PTPN4: variants seen among roughly 807,000 people sequenced by gnomAD.
PTPN4 encodes protein tyrosine phosphatase non-receptor type 4.
A neutral mutation model predicts 135.5 loss-of-function variants in PTPN4; 49 were observed. The ratio of observed to expected loss-of-function variants is 0.36; its 90% CI spans 0.29 to 0.46. The LOEUF is 0.46. PTPN4 is among the 20% of genes least tolerant of loss of function. PTPN4 has a pLI of 1.00. For missense variants in PTPN4, 860 were observed against 1,101.0 expected (o/e 0.78, Z 3.10); for synonymous variants, 333 against 369.9 (o/e 0.90, Z 1.14).
At chr2:119,973,147 T>C (rs189612326) in intron 26 of PTPN4, among the ~76,000 whole-genome samples, 1 of 152,168 alleles carries the variant, frequency 6.6e-6, no homozygotes, top group African/African-American at 2.4e-5. Flanking sequence ...TCTATATCCA[T>C]TAAAAAAAAC....
chr2:119,888,106 G>A (rs956655634), intron 9 of PTPN4, among the ~76,000 whole-genome samples: 6 of 151,910 alleles, frequency 3.9e-5, no homozygotes, highest in Non-Finnish European at 8.8e-5. Context: ...TTATTCCTAG[G>A]TATTTTTTGT....
chr2:119,969,956 A>G (rs1490901219), intron 26 of PTPN4, among the ~76,000 whole-genome samples: 1 of 152,264 alleles, frequency 6.6e-6, no homozygotes, highest in African/African-American at 2.4e-5. Context: ...TTAAAATACA[A>G]TTCACATACC....
chr2:119,891,539 G>A (rs1262508134), intron 9 of PTPN4, among the ~76,000 whole-genome samples: 1 of 152,062 alleles, frequency 6.6e-6, no homozygotes, highest in Non-Finnish European at 1.5e-5. Flanking sequence ...TGGACAGGCT[G>A]GTCTCGAACT....
chr2:119,793,940 C>G (rs186049366), intron 1 of PTPN4, among the ~76,000 whole-genome samples: 1 of 130,460 alleles, frequency 7.7e-6, no homozygotes, highest in South Asian at 2.7e-4. Context: ...ACAGCAGCCT[C>G]GAACTCCTGG....
At chr2:119,807,851 G>A (rs529200489) in intron 1 of PTPN4, among the ~76,000 whole-genome samples, 1 of 152,234 alleles carries the variant, frequency 6.6e-6, no homozygotes, top group Admixed American at 6.5e-5. Flanking sequence ...ACTGAATCTA[G>A]GAGCATATCA....
rs969268419 is a variant in PTPN4 at position 119,811,667 on chromosome 2, A to G, written c.138+1676A>G. Among the ~76,000 whole-genome samples the G allele has an allele frequency of 6.6e-5, 10 of 152,200 alleles. No homozygotes were observed. The East Asian group carries it at 1.4e-3, about 21-fold the overall frequency. The stretch of plus-strand genomic sequence containing the variant: ...TTTTGGAAAAGGCATAAATTTAATA[A>G]CTTTTGTCTTAGCTTAAATTTAGCT... On this transcript the variant is annotated intron_variant, in intron 2 of 26. Coordinates refer to ENST00000263708, the MANE Select transcript of PTPN4 (RefSeq NM_002830.4).
At chr2:119,849,997 G>T (rs533783760) in intron 2 of PTPN4, among the ~76,000 whole-genome samples, 1 of 152,214 alleles carries the variant, frequency 6.6e-6, no homozygotes, top group Non-Finnish European at 1.5e-5. Flanking sequence ...TTTGATGTTT[G>T]TTCTGACTCT....
chr2:119,881,384 C>G (rs1160043173), intron 5 of PTPN4, among the ~76,000 whole-genome samples: 1 of 152,148 alleles, frequency 6.6e-6, no homozygotes, highest in Non-Finnish European at 1.5e-5. Context: ...TATCTCAGAC[C>G]AGCGAAAATC....
chr2:119,870,217 C>T (rs753820645), intron 3 of PTPN4, among the ~76,000 whole-genome samples: 2 of 151,848 alleles, frequency 1.3e-5, no homozygotes, highest in African/African-American at 4.8e-5. Context: ...AGACATACAC[C>T]AAAAAATAGC....
intron 2 of PTPN4, among the ~76,000 whole-genome samples, chr2:119,836,134 C>T (rs1677288455): frequency 6.6e-6 from 1 of 151,776 alleles, no homozygotes; most frequent in South Asian, 2.1e-4. Flanking sequence ...TGTTTTTAGA[C>T]ACTTAAAAAT....
At chr2:119,842,737 C>T (rs1677399849) in intron 2 of PTPN4, among the ~76,000 whole-genome samples, 2 of 152,170 alleles carry the variant, frequency 1.3e-5, no homozygotes, top group Non-Finnish European at 2.9e-5. Flanking sequence ...TACTCAGCTT[C>T]TCCCAGCGGC....
Position 119,901,011 on chromosome 2 carries a change from T to C in PTPN4, c.764+205T>C, listed in dbSNP as rs565570519. ...ATTACTTTTTAAAAATTATTACTTA[T>C]GAGTTTTTCTTTTATGGAATTTTTG... On this transcript the variant is annotated intron_variant, in intron 10 of 26. Coordinates refer to ENST00000263708, the MANE Select transcript of PTPN4 (RefSeq NM_002830.4). Among the ~76,000 whole-genome samples, 3 of 152,350 alleles carry C rather than the reference T, an allele frequency of 2.0e-5. No individual in the cohort carries two copies. The East Asian group carries it at 5.8e-4, about 29-fold the overall frequency.
chr2:119,874,623 A>C (rs528222128), intron 3 of PTPN4, among the ~76,000 whole-genome samples: 1 of 152,302 alleles, frequency 6.6e-6, no homozygotes, highest in Admixed American at 6.5e-5. Flanking sequence ...GGAAGGGTAC[A>C]TTGAGACTGA....
intron 9 of PTPN4, among the ~76,000 whole-genome samples, chr2:119,887,498 T>A (rs1490813092): frequency 6.6e-6 from 1 of 152,150 alleles, no homozygotes; most frequent in Non-Finnish European, 1.5e-5. Flanking sequence ...TTCTAGTATT[T>A]TTATAGTTTC....
chr2:119,787,610 G>A lies in PTPN4; in HGVS notation c.-17-22227G>A, dbSNP rs376708205. 2.6e-5 allele frequency among the ~76,000 whole-genome samples: 4 copies of A among 152,282 alleles called. No homozygotes were observed. The South Asian group carries it at 8.3e-4, about 32-fold the overall frequency. On this transcript the variant is annotated intron_variant, in intron 1 of 26. Transcript: ENST00000263708. ...CTGTAGTACCTGGAACAGAGTGGAT[G>A]CTTAATACATATTTTATTAAATAAA...
chr2:119,890,859 G>T (rs1678229771), intron 9 of PTPN4, among the ~76,000 whole-genome samples: 1 of 152,088 alleles, frequency 6.6e-6, no homozygotes, highest in African/African-American at 2.4e-5. Context: ...AATTTTGATG[G>T]ATATAGTATT....
chr2:119,791,943 G>A (rs1464314674), intron 1 of PTPN4, among the ~76,000 whole-genome samples: 2 of 152,070 alleles, frequency 1.3e-5, no homozygotes, highest in African/African-American at 2.4e-5. Context: ...GCTTGTTAGT[G>A]TCTTTGAGGT....
chr2:119,899,825 G>A lies in PTPN4; in HGVS notation c.676-893G>A, dbSNP rs771633776. 1.6e-4 allele frequency among the ~76,000 whole-genome samples: 25 copies of A among 152,150 alleles called. 1 individual carries two copies. The highest frequency in any genetic ancestry group is 6.8e-3 in the Middle Eastern group (2 of 294). On this transcript the variant is annotated intron_variant, in intron 9 of 26. Coordinates refer to ENST00000263708, the MANE Select transcript of PTPN4 (RefSeq NM_002830.4). ...TACACTGTTGCATTTGACCATTTAT[G>A]TATTACCTTACCTAACAGATTAATA...
At chr2:119,910,737 G>T (rs186664401) in intron 10 of PTPN4, among the ~76,000 whole-genome samples, 1 of 152,046 alleles carries the variant, frequency 6.6e-6, no homozygotes, top group South Asian at 2.1e-4. Flanking sequence ...TCTCCTTCCT[G>T]CTGCCTTGTG....
Sources: gnomAD v4.1 joint callset for allele counts (sites outside exome capture counted in the v4.1 genomes callset) on GRCh38, gnomAD v4.1.1 for gene constraint, MANE v1.5 for transcripts, NCBI Gene and HGNC (gene_info 2026-07-23, HGNC 2026-07-21) for gene names.